NEDD4L: variants seen among roughly 807,000 people sequenced by gnomAD.
NEDD4L encodes NEDD4 like E3 ubiquitin protein ligase.
Under a neutral mutation model 148.9 loss-of-function variants are expected in NEDD4L, and 54 were observed. The ratio of observed to expected loss-of-function variants is 0.36; its 90% confidence interval spans 0.29 to 0.45. The LOEUF is 0.45. Ranked by LOEUF, NEDD4L falls within the 20% of genes least tolerant of loss-of-function variation. The probability of loss-of-function intolerance (pLI) is 1.00; values close to 1 mark genes in which losing one functional copy is unlikely to be tolerated. For missense variants in NEDD4L, 856 were observed against 1,233.8 expected (o/e 0.69, Z 4.59); for synonymous variants, 433 against 440.7 (o/e 0.98, Z 0.22).
chr18:58,072,708 T>C (rs1168284936), intron 1 of NEDD4L, among the ~76,000 whole-genome samples: 1 of 152,236 alleles, frequency 6.6e-6, no homozygotes, highest in African/African-American at 2.4e-5. Flanking sequence ...TGTAGCATTG[T>C]ACTGGAGATT....
At chr18:58,293,839 C>T (rs2055139190) in intron 5 of NEDD4L, among the ~76,000 whole-genome samples, 1 of 152,072 alleles carries the variant, frequency 6.6e-6, no homozygotes, top group Admixed American at 6.5e-5. Flanking sequence ...CCTCCCACCT[C>T]AGCTTCCCAA....
At chr18:58,136,628 A>T (rs530116530) in intron 1 of NEDD4L, among the ~76,000 whole-genome samples, 2 of 152,266 alleles carry the variant, frequency 1.3e-5, no homozygotes, top group African/African-American at 4.8e-5. Flanking sequence ...GACAGATTTA[A>T]GTAAAACTTA....
chr18:58,085,707 G>C (rs1267414563), intron 1 of NEDD4L, among the ~76,000 whole-genome samples: 1 of 152,180 alleles, frequency 6.6e-6, no homozygotes, highest in Admixed American at 6.5e-5. Context: ...TCAGTATTTA[G>C]TGTGCTTTTC....
At chr18:58,061,383 G>A (rs985452453) in intron 1 of NEDD4L, among the ~76,000 whole-genome samples, 2 of 152,122 alleles carry the variant, frequency 1.3e-5, no homozygotes, top group Non-Finnish European at 2.9e-5. Context: ...GAATTTGAAC[G>A]CAAGTCTTCC....
At chr18:58,376,437 G>C (rs1317369252) in intron 24 of NEDD4L, among the ~76,000 whole-genome samples, 1 of 152,150 alleles carries the variant, frequency 6.6e-6, no homozygotes, top group Non-Finnish European at 1.5e-5. Flanking sequence ...GAGCTATCCT[G>C]ATTAACAGGG....
intron 1 of NEDD4L, among the ~76,000 whole-genome samples, chr18:58,050,250 T>G (rs1466465616): frequency 1.3e-5 from 2 of 151,876 alleles, no homozygotes; most frequent in African/African-American, 4.8e-5. Context: ...GTCAGGAGTT[T>G]GAGACCAGCC....
intron 1 of NEDD4L, among the ~76,000 whole-genome samples, chr18:58,086,900 T>A (rs2083788216): frequency 2.6e-5 from 4 of 152,246 alleles, no homozygotes; most frequent in African/African-American, 9.6e-5. Flanking sequence ...TTTCTCACTC[T>A]GTATCCTGCC....
At chr18:58,319,821 C>T (rs766277697) in intron 6 of NEDD4L, among the ~76,000 whole-genome samples, 20 of 152,152 alleles carry the variant, frequency 1.3e-4, no homozygotes, top group African/African-American at 4.3e-4. Flanking sequence ...ATGATATGAA[C>T]GTGTAGAATT....
chr18:58,389,754 AAC>A (rs978331443), intron 28 of NEDD4L, among the ~76,000 whole-genome samples: 14 of 151,940 alleles, frequency 9.2e-5, no homozygotes, highest in African/African-American at 3.4e-4. Context: ...AAAAAAAAAA[AAC>A]AGTTATCCCC....
chr18:58,071,662 C>T (rs1377264615), intron 1 of NEDD4L, among the ~76,000 whole-genome samples: 1 of 152,178 alleles, frequency 6.6e-6, no homozygotes, highest in Non-Finnish European at 1.5e-5. Flanking sequence ...TGTTCTCATG[C>T]CGCTAATAAA....
At chr18:58,299,578 A>G (rs2056178309) in intron 5 of NEDD4L, among the ~76,000 whole-genome samples, 1 of 152,164 alleles carries the variant, frequency 6.6e-6, no homozygotes, top group African/African-American at 2.4e-5. Flanking sequence ...GAAATGCCCT[A>G]AGTTATCTTC....
chr18:58,294,440 C>T (rs1600815595), intron 5 of NEDD4L, among the ~76,000 whole-genome samples: 1 of 152,128 alleles, frequency 6.6e-6, no homozygotes, highest in African/African-American at 2.4e-5. Flanking sequence ...GCTGTTCACA[C>T]ACATTTCTTA....
intron 1 of NEDD4L, among the ~76,000 whole-genome samples, chr18:58,161,793 C>G (rs114603135): frequency 6.6e-6 from 1 of 151,988 alleles, no homozygotes; most frequent in Non-Finnish European, 1.5e-5. Context: ...CCCCATTTCA[C>G]GGAGAGACAT....
chr18:58,060,659 GA>G (rs1339378802), intron 1 of NEDD4L, among the ~76,000 whole-genome samples: 1 of 152,188 alleles, frequency 6.6e-6, no homozygotes, highest in Admixed American at 6.5e-5. Flanking sequence ...TAGATGGGAG[GA>G]GGGGAAGAAG....
chr18:58,070,697 C>T (rs927405688), intron 1 of NEDD4L, among the ~76,000 whole-genome samples: 3 of 151,760 alleles, frequency 2.0e-5, no homozygotes, highest in African/African-American at 7.2e-5. Flanking sequence ...CCAATACCCA[C>T]ACCCACACGC....
chr18:58,165,089 C>T (rs2036681390), intron 1 of NEDD4L, among the ~76,000 whole-genome samples: 1 of 152,186 alleles, frequency 6.6e-6, no homozygotes, highest in South Asian at 2.1e-4. Flanking sequence ...GGGTCCTGTA[C>T]TGCTGGGCTG....
At chr18:58,387,182 A>G (rs543451956) in intron 26 of NEDD4L, among the ~76,000 whole-genome samples, 1 of 152,328 alleles carries the variant, frequency 6.6e-6, no homozygotes, top group South Asian at 2.1e-4. Flanking sequence ...CCCTGCCTAC[A>G]GTATCCCATA....
At chr18:58,080,853 G>A (rs996880357) in intron 1 of NEDD4L, among the ~76,000 whole-genome samples, 1 of 152,138 alleles carries the variant, frequency 6.6e-6, no homozygotes, top group East Asian at 1.9e-4. Flanking sequence ...GGAAGTGAGG[G>A]CAACAGTTCC....
At chr18:58,276,077 T>C (rs2051887990) in intron 5 of NEDD4L, among the ~76,000 whole-genome samples, 1 of 152,010 alleles carries the variant, frequency 6.6e-6, no homozygotes, top group Non-Finnish European at 1.5e-5. Flanking sequence ...TTCAAGTTAA[T>C]AGCAAAAAAA....
Sources: gnomAD v4.1 joint callset for allele counts (sites outside exome capture counted in the v4.1 genomes callset) on GRCh38, gnomAD v4.1.1 for gene constraint, MANE v1.5 for transcripts, NCBI Gene and HGNC (gene_info 2026-07-23, HGNC 2026-07-21) for gene names.